The following TM9SF3 variants were observed in gnomAD, a reference collection of about 807,000 sequenced individuals.
TM9SF3 encodes SM-11044-binding protein.
A neutral mutation model predicts 78.6 loss-of-function variants in TM9SF3; 14 were observed. The observed-to-expected ratio is 0.18, with a 90% CI of 0.12 to 0.28. The LOEUF is 0.28. TM9SF3 is among the 10% of genes least tolerant of loss of function. TM9SF3 has a pLI of 1.00. For synonymous variants in TM9SF3, 231 were observed against 241.7 expected (o/e 0.96, Z 0.41); for missense variants, 496 against 721.9 (o/e 0.69, Z 3.59).
intron 2 of TM9SF3, among the ~76,000 whole-genome samples, chr10:96,569,271 T>C (rs563217450): frequency 6.6e-6 from 1 of 152,332 alleles, no homozygotes; most frequent in African/African-American, 2.4e-5. Context: ...GAAAGTGATC[T>C]TTCCCTTGCC....
intron 3 of TM9SF3, 87 bp from the exon 4 acceptor site, chr10:96,562,225 T>G (rs1294006686): frequency 2.5e-5 from 29 of 1,139,914 alleles, no homozygotes; most frequent in East Asian, 1.0e-4. Flanking sequence ...AGTTTTTTTT[T>G]TTTTTTTTTT....
intron 2 of TM9SF3, among the ~76,000 whole-genome samples, chr10:96,566,782 A>C (rs1848376339): frequency 6.6e-6 from 1 of 152,230 alleles, no homozygotes; most frequent in South Asian, 2.1e-4. Context: ...TTTCTACAGC[A>C]GGAGCTAGAA....
At chr10:96,575,275 C>T (rs1039733230) in intron 2 of TM9SF3, among the ~76,000 whole-genome samples, 1 of 152,080 alleles carries the variant, frequency 6.6e-6, no homozygotes, top group Admixed American at 6.6e-5. Context: ...AGTACCAAAT[C>T]TCAAAGATCA....
Position 96,576,908 on chromosome 10 carries a change from T to C in TM9SF3, c.103-79A>G, listed in dbSNP as rs1450667429. 12 of 1,168,018 alleles carry C rather than the reference T, an allele frequency of 1.0e-5. No individual in the cohort carries two copies. The South Asian group carries it at 1.4e-4, about 14-fold the overall frequency. The allele number at this position is 1,168,018 out of a possible 1,614,324, so 72.4% of individuals were successfully genotyped here. Reference sequence around the variant, plus strand: ...TTAAGGGAATATTTGTTGTGTGTTCTAAACAAAAGTGCATCATCTCTGTTC... The same window carrying C: ...TTAAGGGAATATTTGTTGTGTGTTCCAAACAAAAGTGCATCATCTCTGTTC... On this transcript the variant is annotated intron_variant, in intron 1 of 14. Transcript: ENST00000371142.
intron 9 of TM9SF3, among the ~76,000 whole-genome samples, chr10:96,539,122 G>A (rs140840708): frequency 1.1e-4 from 16 of 152,236 alleles, no homozygotes; most frequent in African/African-American, 3.9e-4. Flanking sequence ...GATAAATTAT[G>A]GTATAACCAT....
At chr10:96,540,277 T>C (rs760947832) in intron 9 of TM9SF3, among the ~76,000 whole-genome samples, 2 of 152,214 alleles carry the variant, frequency 1.3e-5, no homozygotes, top group African/African-American at 2.4e-5. Context: ...AGCATGTACA[T>C]ACTATGGCTA....
intron 2 of TM9SF3, among the ~76,000 whole-genome samples, chr10:96,573,913 C>T: frequency 6.6e-6 from 1 of 152,126 alleles, no homozygotes; most frequent in East Asian, 1.9e-4. Flanking sequence ...ACACCTTAAG[C>T]AAAAATTAAC....
Position 96,586,822 on chromosome 10 carries a change from G to C in TM9SF3, c.14C>G (p.Pro5Arg), listed in dbSNP as rs545375633. 3 of 1,248,126 alleles carry C rather than the reference G, an allele frequency of 2.4e-6. No individual in the cohort carries two copies. The highest frequency in any genetic ancestry group is 3.1e-5 in the African/African-American group (2 of 63,704). The allele number at this position is 1,248,126 out of a possible 1,614,324, so 77.3% of individuals were successfully genotyped here. A position where few individuals can be genotyped will look rare whatever the true frequency, so the allele number is the denominator to read the frequency against. Residue 5 changes from proline to arginine, a missense_variant, in exon 1 of 15, where the codon CCT becomes CGT. Physicochemically the swap from Pro to Arg is moderately radical, Grantham distance 103. This residue lies in a region of TM9SF3 where 58 missense variants were observed against 32.9 expected (regional missense o/e 1.76). Transcript: ENST00000371142. ...GGCCGCCGCCACGCCAAGAGCGCCA[G>C]GCAGCGGCCTCATCCTCCGCGCCCC... is the stretch of plus-strand genomic sequence containing the variant. MRPLPGALGVAAAAA... is the reference protein window; with the variant it reads MRPLRGALGVAAAAA...
intron 2 of TM9SF3, among the ~76,000 whole-genome samples, chr10:96,574,688 G>A (rs2134158975): frequency 6.6e-6 from 1 of 152,304 alleles, no homozygotes; most frequent in South Asian, 2.1e-4. Flanking sequence ...GTCCATCAAT[G>A]ATAGAATGGA....
chr10:96,551,415 T>C lies in TM9SF3; in HGVS notation c.793-4A>G. ...ATTCATCTCCTAGGTCTCTATCCTA[T>C]ATACAAATATATATATAGAGAGAGA... On this transcript the variant is annotated splice_region_variant and splice_polypyrimidine_tract_variant and intron_variant, in intron 6 of 14. Transcript: ENST00000371142. The C allele has an allele frequency of 6.4e-7, 1 of 1,570,250 alleles. No individual in the cohort carries two copies. Among genetic ancestry groups the C allele is most frequent in the Non-Finnish European group, 8.6e-7 (1 of 1,159,020 alleles).
intron 8 of TM9SF3, among the ~76,000 whole-genome samples, chr10:96,547,452 C>G (rs561982258): frequency 4.6e-5 from 7 of 152,150 alleles, no homozygotes; most frequent in African/African-American, 1.4e-4. Context: ...AAATAAAACG[C>G]GAGAATTCCA....
At position 96,565,208 on chromosome 10, in the gene TM9SF3, A is replaced by T. The variant is rs976774497; in HGVS notation, c.421+96T>A. 2.3e-5 allele frequency: 26 copies of T among 1,116,772 alleles called. No individual in the cohort carries two copies. In the East Asian group the frequency reaches 7.5e-4, roughly 32 times the overall value. The allele number at this position is 1,116,772 out of a possible 1,614,324, so 69.2% of individuals were successfully genotyped here. A position where few individuals can be genotyped will look rare whatever the true frequency, so the allele number is the denominator to read the frequency against. On this transcript the variant is annotated intron_variant, in intron 3 of 14. Transcript: ENST00000371142. Reference sequence around the variant, plus strand: ...TAAAAAACAGTGAAAACACATTTACACCATGATCCAGTACACAATCACCTT... The same window carrying T: ...TAAAAAACAGTGAAAACACATTTACTCCATGATCCAGTACACAATCACCTT...
intron 5 of TM9SF3, among the ~76,000 whole-genome samples, chr10:96,558,561 G>T (rs959486170): frequency 2.6e-5 from 4 of 151,490 alleles, no homozygotes; most frequent in African/African-American, 9.7e-5. Context: ...CAGGAGAATC[G>T]CTTGAACCAA....
chr10:96,585,122 T>C (rs1848614236), intron 1 of TM9SF3, among the ~76,000 whole-genome samples: 1 of 152,186 alleles, frequency 6.6e-6, no homozygotes, highest in South Asian at 2.1e-4. Context: ...CACAGCAGTG[T>C]AAGTCACAAG....
chr10:96,532,333 G>A (rs1847907717), intron 10 of TM9SF3, among the ~76,000 whole-genome samples: 1 of 151,882 alleles, frequency 6.6e-6, no homozygotes, highest in South Asian at 2.1e-4. Context: ...CAAACTATAG[G>A]GGCTATTTTA....
chr10:96,574,746 G>T (rs980693300), intron 2 of TM9SF3, among the ~76,000 whole-genome samples: 2 of 152,150 alleles, frequency 1.3e-5, no homozygotes, highest in Non-Finnish European at 2.9e-5. Context: ...TGCAGCCACA[G>T]AAAAGGATGA....
chr10:96,534,016 T>C (rs111679880), intron 9 of TM9SF3, among the ~76,000 whole-genome samples: 87 of 152,288 alleles, frequency 5.7e-4, no homozygotes, highest in African/African-American at 1.8e-3. Context: ...CTTTAAATTA[T>C]ACACTTTAGG....
At chr10:96,560,902 G>C (rs994824038) in intron 4 of TM9SF3, 3 of 523,002 alleles carry the variant, frequency 5.7e-6, no homozygotes, top group Admixed American at 2.1e-5. Flanking sequence ...AAAAATGCAA[G>C]CAAGTATACA....
intron 5 of TM9SF3, among the ~76,000 whole-genome samples, chr10:96,553,671 T>C (rs552128531): frequency 6.6e-6 from 1 of 152,220 alleles, no homozygotes; most frequent in Non-Finnish European, 1.5e-5. Context: ...ATCCTCACCC[T>C]GTCACCATCA....
Sources: allele counts gnomAD v4.1 joint callset (sites outside exome capture counted in the v4.1 genomes callset), GRCh38; gene constraint gnomAD v4.1.1; regional missense constraint gnomAD v4.1.1; transcripts MANE v1.5; gene names NCBI Gene and HGNC (gene_info 2026-07-23, HGNC 2026-07-21).